Variants in SDK2 observed in about 807,000 individuals in gnomAD.
SDK2 encodes the protein protein sidekick-2.
In SDK2, 105 loss-of-function variants were observed where a neutral mutation model predicts 253.9. The observed-to-expected ratio is 0.41, with a 90% CI of 0.35 to 0.49. The LOEUF (loss-of-function observed/expected upper bound fraction) is 0.49, where lower values mean the gene tolerates loss of function less well. SDK2 is among the 20% of genes least tolerant of loss of function. The pLI is 0.06. For missense variants in SDK2, 2,608 were observed against 3,003.0 expected (o/e 0.87, Z 3.07); for synonymous variants, 1,249 against 1,234.9 (o/e 1.01, Z -0.24).
intron 21 of SDK2, 94 bp from the exon 22 acceptor site, chr17:73,399,383 C>A: frequency 7.5e-7 from 1 of 1,335,102 alleles, no homozygotes; most frequent in Non-Finnish European, 1.0e-6. Context: ...CTGTGTGTCA[C>A]GCTTTTCCTG....
intron 41 of SDK2, 34 bp from the exon 42 acceptor site, chr17:73,350,824 C>T: frequency 6.4e-7 from 1 of 1,567,288 alleles, no homozygotes; most frequent in Non-Finnish European, 8.6e-7. Flanking sequence ...ATAGGGTGCT[C>T]AGCCCCCTCC....
intron 1 of SDK2, among the ~76,000 whole-genome samples, chr17:73,620,666 T>G (rs947964965): frequency 1.3e-5 from 2 of 152,184 alleles, no homozygotes; most frequent in African/African-American, 4.8e-5. Context: ...TGCAATGAAA[T>G]AGTAATTAGC....
chr17:73,480,367 TA>T (rs2063713721), intron 2 of SDK2, among the ~76,000 whole-genome samples: 1 of 152,230 alleles, frequency 6.6e-6, no homozygotes, highest in Admixed American at 6.5e-5. Flanking sequence ...GGGCAGGGCC[TA>T]AATTTTGATC....
At chr17:73,396,436 T>C (rs2062971469) in intron 24 of SDK2, among the ~76,000 whole-genome samples, 1 of 152,054 alleles carries the variant, frequency 6.6e-6, no homozygotes, top group African/African-American at 2.4e-5. Flanking sequence ...TGGAGGGCCC[T>C]TGGTCCACAG....
chr17:73,385,356 G>A (rs1003199324), intron 32 of SDK2, among the ~76,000 whole-genome samples: 3 of 152,130 alleles, frequency 2.0e-5, no homozygotes, highest in African/African-American at 7.2e-5. Flanking sequence ...GGACGAAGGG[G>A]GGCATTTCTC....
chr17:73,447,753 G>T lies in SDK2; in HGVS notation c.480-5C>A. 1 of 1,551,654 alleles carries T rather than the reference G, an allele frequency of 6.4e-7. No individual in the cohort carries two copies. Reference sequence around the variant, plus strand: ...GTGTTCTCCAGCGTGATGGCTCTGGGAAGAGGAAAAGGATTCCTCTGACAG... The same window carrying T: ...GTGTTCTCCAGCGTGATGGCTCTGGTAAGAGGAAAAGGATTCCTCTGACAG... On this transcript the variant is annotated splice_polypyrimidine_tract_variant and splice_region_variant and intron_variant, in intron 4 of 44. Coordinates refer to ENST00000392650, the MANE Select transcript of SDK2 (RefSeq NM_001144952.2). The surrounding 1 kb of genome is among the most constrained non-coding windows in gnomAD (Gnocchi z 4.0).
At chr17:73,351,886 T>C (rs545942736) in intron 41 of SDK2, among the ~76,000 whole-genome samples, 3 of 152,050 alleles carry the variant, frequency 2.0e-5, no homozygotes, top group East Asian at 3.9e-4. Context: ...TTCCTTTGAG[T>C]TGTGCTTCTG....
intron 44 of SDK2, among the ~76,000 whole-genome samples, chr17:73,340,118 C>T (rs1392300831): frequency 2.0e-5 from 3 of 152,042 alleles, no homozygotes; most frequent in Admixed American, 6.6e-5. Context: ...GTGATCCACC[C>T]GCCTTGGCCT....
rs1281843808 is a variant in SDK2 at position 73,455,490 on chromosome 17, C to A, written c.479+416G>T. Among the ~76,000 whole-genome samples the A allele has an allele frequency of 2.0e-5, 3 of 152,196 alleles. No individual in the cohort carries two copies. Among genetic ancestry groups the A allele is most frequent in the African/African-American group, 7.2e-5 (3 of 41,448 alleles). Reference sequence around the variant, plus strand: ...CCCTCACACACCAGTAAACACCCTGCCAACGGACGCGCCCAGGGCCTCCCG... The same window carrying A: ...CCCTCACACACCAGTAAACACCCTGACAACGGACGCGCCCAGGGCCTCCCG... On this transcript the variant is annotated intron_variant, in intron 4 of 44. Coordinates refer to ENST00000392650, the MANE Select transcript of SDK2 (RefSeq NM_001144952.2). This position sits in a 1 kb window ranked among gnomAD's most constrained non-coding sequence, Gnocchi z 5.0.
chr17:73,347,029 C>T (rs1184192317), intron 44 of SDK2, among the ~76,000 whole-genome samples: 3 of 152,190 alleles, frequency 2.0e-5, no homozygotes, highest in African/African-American at 7.2e-5. Context: ...TCTCACGTGG[C>T]TGAGTGGCAG....
rs2063460762 is a variant in SDK2 at position 73,447,467 on chromosome 17, GTCC to G, written c.613+145_613+147del. 2 of 1,159,188 alleles carry G rather than the reference GTCC, an allele frequency of 1.7e-6. No individual in the cohort carries two copies. Among genetic ancestry groups the G allele is most frequent in the Non-Finnish European group, 2.5e-6 (2 of 815,876 alleles). The allele number at this position is 1,159,188 out of a possible 1,614,324, so 71.8% of individuals were successfully genotyped here. On this transcript the variant is annotated intron_variant, in intron 5 of 44. Coordinates refer to ENST00000392650, the MANE Select transcript of SDK2 (RefSeq NM_001144952.2). The surrounding 1 kb of genome is among the most constrained non-coding windows in gnomAD (Gnocchi z 4.0). ...GGCACCCCTGGCTCTGCTGTGTCTC[GTCC>G]TCCTTGGGAAGGCTCCCCCCGGCCG... is the stretch of plus-strand genomic sequence containing the variant.
At chr17:73,531,988 G>A (rs1023712290) in intron 1 of SDK2, among the ~76,000 whole-genome samples, 2 of 152,114 alleles carry the variant, frequency 1.3e-5, no homozygotes, top group Non-Finnish European at 2.9e-5. Context: ...AATCTCCATC[G>A]TGGTGCATTA....
intron 16 of SDK2, 145 bp from the exon 17 acceptor site, chr17:73,416,137 G>A (rs530409722): frequency 3.1e-5 from 19 of 611,342 alleles, no homozygotes; most frequent in African/African-American, 1.1e-4. Context: ...CAGGGTGCCC[G>A]CCAGCACATG....
At position 73,365,285 on chromosome 17, in the gene SDK2, C is replaced by A; in HGVS notation, c.5278G>T (p.Val1760Leu). The A allele has an allele frequency of 6.2e-7, 1 of 1,612,264 alleles. No homozygotes were observed. Among genetic ancestry groups the A allele is most frequent in the Non-Finnish European group, 8.5e-7 (1 of 1,179,138 alleles). ...PNGILEGYRL[V>L]YEPCSPVDGV... ...TCCACGGGGCTGCAGGGCTCGTACA[C>A]CAGCCTGTAGCCCTCCAGGATGCCA... is the stretch of plus-strand genomic sequence containing the variant. Residue 1760 changes from valine to leucine, a missense_variant, in exon 38 of 45, where the codon GTG becomes TTG. This residue lies in a region of SDK2 where 1,103 missense variants were observed against 1,143.9 expected (regional missense o/e 0.96). Coordinates refer to ENST00000392650, the MANE Select transcript of SDK2 (RefSeq NM_001144952.2).
At chr17:73,367,261 G>A (rs1409323969) in intron 37 of SDK2, among the ~76,000 whole-genome samples, 1 of 152,010 alleles carries the variant, frequency 6.6e-6, no homozygotes, top group Non-Finnish European at 1.5e-5. Flanking sequence ...CACCCACCTC[G>A]GCCTCCCAAA....
chr17:73,349,387 C>A, intron 43 of SDK2, among the ~76,000 whole-genome samples: 1 of 152,242 alleles, frequency 6.6e-6, no homozygotes, highest in South Asian at 2.1e-4. Context: ...AGGCTGGACT[C>A]CTCCTGACTG....
chr17:73,532,807 C>T (rs1008327628), intron 1 of SDK2, among the ~76,000 whole-genome samples: 4 of 151,962 alleles, frequency 2.6e-5, no homozygotes, highest in Admixed American at 6.5e-5. Flanking sequence ...CTCATCTCAC[C>T]GTGGCCATGG....
chr17:73,423,412 C>T lies in SDK2; in HGVS notation c.1871G>A (p.Arg624His), dbSNP rs147076298. 52 of 1,544,176 alleles carry T rather than the reference C, an allele frequency of 3.4e-5. No individual in the cohort carries two copies. In the African/African-American group the frequency reaches 4.0e-4, roughly 12 times the overall value. ...KPFDGNSPLI[R>H]YILEMSENNA... The stretch of plus-strand genomic sequence containing the variant: ...GTTCTCCGACATCTCCAGAATGTAG[C>T]GGATCAGGGGGCTGTTGCCATCAAA... The change falls in exon 14 of 45, where the codon CGC becomes CAC. Residue 624 changes from arginine to histidine, a missense_variant. Transcript: ENST00000392650.
At chr17:73,408,649 C>T (rs2063100856) in intron 18 of SDK2, among the ~76,000 whole-genome samples, 1 of 152,014 alleles carries the variant, frequency 6.6e-6, no homozygotes, top group African/African-American at 2.4e-5. Context: ...ATGCAATCAG[C>T]GAAATCCAGA....
Sources: gnomAD v4.1 joint callset for allele counts (sites outside exome capture counted in the v4.1 genomes callset) on GRCh38, gnomAD v4.1.1 for gene constraint, gnomAD v4.1.1 regional missense constraint, Gnocchi (gnomAD v3.1) non-coding constraint, MANE v1.5 for transcripts, NCBI Gene and HGNC (gene_info 2026-07-23, HGNC 2026-07-21) for gene names.